The following RIMS1 variants were observed in gnomAD, a reference collection of about 807,000 sequenced individuals.
RIMS1 encodes regulating synaptic membrane exocytosis 1, also known as regulating synaptic membrane exocytosis protein 1.
A neutral mutation model predicts 214.1 loss-of-function variants in RIMS1; 83 were observed. The observed-to-expected ratio is 0.39, with a 90% CI of 0.32 to 0.47. RIMS1 has a LOEUF of 0.47. Ranked by LOEUF, RIMS1 falls within the 20% of genes least tolerant of loss-of-function variation. The pLI is 0.99. For synonymous variants in RIMS1, 793 were observed against 786.8 expected (o/e 1.01, Z -0.13); for missense variants, 2,050 against 2,161.8 (o/e 0.95, Z 1.03).
chr6:72,263,653 C>T (rs2079031321), intron 19 of RIMS1: 1 of 985,080 alleles, frequency 1.0e-6, no homozygotes, highest in Admixed American at 6.2e-5. Context: ...AAAGAAGAGT[C>T]GACTGTCTAG....
chr6:72,018,987 T>C (rs182694237), intron 2 of RIMS1, among the ~76,000 whole-genome samples: 295 of 152,304 alleles, frequency 1.9e-3, no homozygotes, highest in African/African-American at 6.4e-3. Context: ...TTAGATGACC[T>C]GCTTGATTAG....
chr6:71,997,921 C>T (rs1024322326), intron 2 of RIMS1, among the ~76,000 whole-genome samples: 1 of 152,078 alleles, frequency 6.6e-6, no homozygotes, highest in Admixed American at 6.6e-5. Flanking sequence ...TTCTTAAAAA[C>T]TTTTAATGGT....
intron 6 of RIMS1, among the ~76,000 whole-genome samples, chr6:72,201,335 G>T (rs1041468751): frequency 2.0e-5 from 3 of 152,114 alleles, no homozygotes; most frequent in Non-Finnish European, 4.4e-5. Flanking sequence ...AAACATTTAC[G>T]CTTCAAAGTT....
chr6:72,162,481 C>A (rs1308833039), intron 4 of RIMS1, among the ~76,000 whole-genome samples: 1 of 140,562 alleles, frequency 7.1e-6, no homozygotes, highest in African/African-American at 2.5e-5. Context: ...TCTTCCTAGC[C>A]TTGATGGTCT....
At chr6:72,162,885 G>A (rs2045662796) in intron 4 of RIMS1, among the ~76,000 whole-genome samples, 1 of 138,968 alleles carries the variant, frequency 7.2e-6, no homozygotes, top group Admixed American at 7.4e-5. Context: ...CTCTTCTCGA[G>A]GAGTATCTTT....
intron 2 of RIMS1, among the ~76,000 whole-genome samples, chr6:72,082,287 T>A (rs546262762): frequency 6.6e-6 from 1 of 152,340 alleles, no homozygotes; most frequent in South Asian, 2.1e-4. Flanking sequence ...TTTATCTGAT[T>A]TTTGTTCACT....
chr6:72,045,632 A>G (rs542973897), intron 2 of RIMS1, among the ~76,000 whole-genome samples: 11 of 152,176 alleles, frequency 7.2e-5, no homozygotes, highest in Non-Finnish European at 1.0e-4. Flanking sequence ...GCCAATTTTC[A>G]TGACAGTGAC....
intron 4 of RIMS1, among the ~76,000 whole-genome samples, chr6:72,135,835 G>C (rs2041191409): frequency 6.6e-6 from 1 of 152,108 alleles, no homozygotes; most frequent in Non-Finnish European, 1.5e-5. Context: ...AGTCAGTCAA[G>C]GTACCTACCC....
At chr6:72,383,342 G>A (rs2056564504) in intron 29 of RIMS1, among the ~76,000 whole-genome samples, 3 of 151,962 alleles carry the variant, frequency 2.0e-5, no homozygotes, top group Admixed American at 2.0e-4. Flanking sequence ...TACAGTATTG[G>A]GGCACAAAGC....
chr6:72,383,972 G>A (rs2098541987), intron 29 of RIMS1, among the ~76,000 whole-genome samples: 1 of 151,872 alleles, frequency 6.6e-6, no homozygotes, highest in Non-Finnish European at 1.5e-5. Context: ...CATTTATTTT[G>A]GACCTAAATT....
chr6:72,166,431 C>T (rs528136950), intron 4 of RIMS1, among the ~76,000 whole-genome samples: 2 of 152,012 alleles, frequency 1.3e-5, no homozygotes, highest in South Asian at 2.1e-4. Flanking sequence ...AGAGCTTCAA[C>T]ATACAAATTT....
chr6:72,215,237 A>G (rs751296524), intron 6 of RIMS1, among the ~76,000 whole-genome samples: 2 of 152,220 alleles, frequency 1.3e-5, no homozygotes, highest in Non-Finnish European at 2.9e-5. Context: ...TTCAGCAAGT[A>G]TAAGACTTCA....
chr6:72,107,707 A>G (rs1180632648), intron 4 of RIMS1, among the ~76,000 whole-genome samples: 1 of 152,220 alleles, frequency 6.6e-6, no homozygotes, highest in Non-Finnish European at 1.5e-5. Context: ...AGGGGTTATG[A>G]GAAGACATTT....
intron 29 of RIMS1, among the ~76,000 whole-genome samples, chr6:72,389,735 A>T (rs1284734379): frequency 2.0e-5 from 3 of 152,246 alleles, no homozygotes; most frequent in African/African-American, 7.2e-5. Context: ...GATGGAATAA[A>T]GTCTAACAGT....
Position 71,887,033 on chromosome 6 carries a change from G to T in RIMS1, c.10G>T (p.Ala4Ser). ...CGGGCAGGCCACGAAAATGTCCTCG[G>T]CCGTGGGGCCCCGCGGTCCTCGCCC... MSSAVGPRGPRPPT... is the reference protein window; with the variant it reads MSSSVGPRGPRPPT... Residue 4 changes from alanine to serine, a missense_variant, in exon 1 of 34, where the codon GCC becomes TCC. By Grantham distance (99) the Ala-to-Ser change is moderately conservative. This residue lies in a region of RIMS1 where 882 missense variants were observed against 828.9 expected (regional missense o/e 1.06). Transcript: ENST00000521978. The T allele has an allele frequency of 6.2e-7, 1 of 1,612,990 alleles. No homozygotes were observed.
chr6:72,290,043 GA>G (rs1169464651), intron 24 of RIMS1, among the ~76,000 whole-genome samples: 1 of 152,080 alleles, frequency 6.6e-6, no homozygotes, highest in Non-Finnish European at 1.5e-5. Context: ...ATATCTGAGA[GA>G]ACATGTTTTT....
At chr6:72,249,396 T>C (rs1414645363) in intron 12 of RIMS1, among the ~76,000 whole-genome samples, 3 of 152,186 alleles carry the variant, frequency 2.0e-5, no homozygotes, top group Non-Finnish European at 4.4e-5. Flanking sequence ...TTAATAGAAA[T>C]ATCATTTGGC....
chr6:72,012,852 C>A (rs1209105312), intron 2 of RIMS1, among the ~76,000 whole-genome samples: 1 of 152,112 alleles, frequency 6.6e-6, no homozygotes, highest in Non-Finnish European at 1.5e-5. Context: ...TGGGCTCAGG[C>A]AGTAAATTAG....
chr6:72,265,895 G>C (rs1003649883), intron 21 of RIMS1, 65 bp from the exon 22 acceptor site: 1 of 1,126,988 alleles, frequency 8.9e-7, no homozygotes, highest in Admixed American at 2.2e-5. Context: ...TCTCTAACAT[G>C]GTCTTCCTTT....
Sources: allele counts gnomAD v4.1 joint callset (sites outside exome capture counted in the v4.1 genomes callset), GRCh38; gene constraint gnomAD v4.1.1; regional missense constraint gnomAD v4.1.1; transcripts MANE v1.5; gene names NCBI Gene and HGNC (gene_info 2026-07-23, HGNC 2026-07-21).